PLPP1: variants seen among roughly 807,000 people sequenced by gnomAD.
PLPP1 encodes the protein phospholipid phosphatase 1.
PLPP1 carries 24 observed loss-of-function variants against 31.2 expected under a neutral mutation model. The observed-to-expected ratio is 0.77, with a 90% CI of 0.56 to 1.08. The LOEUF (loss-of-function observed/expected upper bound fraction) is 1.08, where lower values mean the gene tolerates loss of function less well. PLPP1 is among the 50% of genes least tolerant of loss of function. The probability of loss-of-function intolerance (pLI) is 0.00; values close to 1 mark genes in which losing one functional copy is unlikely to be tolerated. For missense variants in PLPP1, 319 were observed against 342.7 expected (o/e 0.93, Z 0.55); for synonymous variants, 146 against 126.3 (o/e 1.16, Z -1.05).
chr5:55,509,956 C>G (rs968202029), intron 1 of PLPP1, among the ~76,000 whole-genome samples: 1 of 152,144 alleles, frequency 6.6e-6, no homozygotes, highest in African/African-American at 2.4e-5. Context: ...AAACCGGCCA[C>G]GTGATTTTTA....
chr5:55,442,666 T>TAAA (rs1239344113), intron 3 of PLPP1, among the ~76,000 whole-genome samples: 1 of 81,088 alleles, frequency 1.2e-5, no homozygotes. Flanking sequence ...AAAAAAAAAT[T>TAAA]TGGTGTTTTA....
rs147816175 is a variant in PLPP1 at position 55,444,370 on chromosome 5, C to G, written c.492-2462G>C. 2.2e-4 allele frequency among the ~76,000 whole-genome samples: 33 copies of G among 152,244 alleles called. No individual in the cohort carries two copies. In the East Asian group the frequency reaches 6.0e-3, roughly 28 times the overall value. The stretch of plus-strand genomic sequence containing the variant: ...TGCTAGGATTACAAGCGTGAGCCAC[C>G]GCGCCCGGCCCCAAATGCAGTTTGT... On this transcript the variant is annotated intron_variant, in intron 3 of 5. Coordinates refer to ENST00000307259, the MANE Select transcript of PLPP1 (RefSeq NM_003711.4).
chr5:55,455,804 T>C (rs1415799079), intron 3 of PLPP1, among the ~76,000 whole-genome samples: 1 of 152,196 alleles, frequency 6.6e-6, no homozygotes, highest in Non-Finnish European at 1.5e-5. Flanking sequence ...ATCTGAAACT[T>C]GTTAGAAGAA....
intron 1 of PLPP1, among the ~76,000 whole-genome samples, chr5:55,531,820 G>C (rs1740681000): frequency 6.6e-6 from 1 of 152,188 alleles, no homozygotes; most frequent in Non-Finnish European, 1.5e-5. Flanking sequence ...CTCCTTCACT[G>C]CTGTTTGCAA....
At chr5:55,500,675 C>T (rs1318683926) in intron 1 of PLPP1, among the ~76,000 whole-genome samples, 2 of 151,966 alleles carry the variant, frequency 1.3e-5, no homozygotes, top group Non-Finnish European at 2.9e-5. Flanking sequence ...TGTACTCTAA[C>T]TGAGGGGGCT....
chr5:55,526,488 C>G (rs1740436389), intron 1 of PLPP1, among the ~76,000 whole-genome samples: 1 of 152,066 alleles, frequency 6.6e-6, no homozygotes, highest in South Asian at 2.1e-4. Flanking sequence ...CTAGACTGAC[C>G]CAAGAATATG....
In PLPP1 at chr5:55,522,821, C is replaced by T. The variant is rs1368874124; in HGVS notation, c.58+11751G>A. On this transcript the variant is annotated intron_variant, in intron 1 of 5. Coordinates refer to ENST00000307259, the MANE Select transcript of PLPP1 (RefSeq NM_003711.4). Reference sequence around the variant, plus strand: ...GCAAGCTCCACCTCCTGGGTTCACGCCATTCTCCTGCCTCAGCCTCCTGAG... The same window carrying T: ...GCAAGCTCCACCTCCTGGGTTCACGTCATTCTCCTGCCTCAGCCTCCTGAG... 1.3e-5 allele frequency among the ~76,000 whole-genome samples: 2 copies of T among 152,152 alleles called. 1 individual carries two copies. The highest frequency in any genetic ancestry group is 4.1e-4 in the South Asian group (2 of 4,826).
chr5:55,495,846 GTT>G (rs1752993490), intron 1 of PLPP1, among the ~76,000 whole-genome samples: 1 of 151,748 alleles, frequency 6.6e-6, no homozygotes, highest in Non-Finnish European at 1.5e-5. Context: ...TTTTTGTTTT[GTT>G]TTGTTTTGTT....
intron 4 of PLPP1, among the ~76,000 whole-genome samples, chr5:55,427,084 CATT>C (rs1344576127): frequency 7.0e-4 from 18 of 25,566 alleles, no homozygotes; most frequent in African/African-American, 1.4e-3. Context: ...AGTCTGCTCT[CATT>C]AAAAAAAAAA....
intron 3 of PLPP1, among the ~76,000 whole-genome samples, chr5:55,462,115 A>C (rs1390716900): frequency 6.6e-6 from 1 of 152,252 alleles, no homozygotes; most frequent in Non-Finnish European, 1.5e-5. Flanking sequence ...GCAATTCTTC[A>C]AAAATTGATC....
intron 1 of PLPP1, among the ~76,000 whole-genome samples, chr5:55,492,685 G>A (rs1752920250): frequency 6.6e-6 from 1 of 152,218 alleles, no homozygotes; most frequent in African/African-American, 2.4e-5. Flanking sequence ...CACGCATTTT[G>A]TAGCCAACAT....
At chr5:55,441,674 G>A (rs770956586) in intron 4 of PLPP1, among the ~76,000 whole-genome samples, 177 bp downstream of exon 4, 1 of 152,184 alleles carries the variant, frequency 6.6e-6, no homozygotes, top group Non-Finnish European at 1.5e-5. Flanking sequence ...TTCAGGAAAC[G>A]TCCCAAAGTA....
At chr5:55,514,401 A>T (rs937595521) in intron 1 of PLPP1, among the ~76,000 whole-genome samples, 1 of 152,144 alleles carries the variant, frequency 6.6e-6, no homozygotes, top group African/African-American at 2.4e-5. Context: ...AAAAAAAAAA[A>T]AAATTAAACA....
intron 1 of PLPP1, among the ~76,000 whole-genome samples, chr5:55,504,713 C>T (rs904860000): frequency 6.6e-6 from 1 of 151,728 alleles, no homozygotes; most frequent in Non-Finnish European, 1.5e-5. Context: ...TATATAGAAG[C>T]CCATAGACTA....
chr5:55,503,133 C>G (rs1579969985), intron 1 of PLPP1, among the ~76,000 whole-genome samples: 1 of 152,360 alleles, frequency 6.6e-6, no homozygotes, highest in Non-Finnish European at 1.5e-5. Context: ...CAGCTACCAA[C>G]TGCTTCCTCT....
At chr5:55,468,372 T>C in intron 2 of PLPP1, 1 of 420,896 alleles carries the variant, frequency 2.4e-6, no homozygotes, top group Non-Finnish European at 4.2e-6. Context: ...TACAAAGCCA[T>C]GGCTGGGACA....
At chr5:55,500,720 A>T (rs1041018115) in intron 1 of PLPP1, among the ~76,000 whole-genome samples, 4 of 152,192 alleles carry the variant, frequency 2.6e-5, no homozygotes, top group Non-Finnish European at 4.4e-5. Flanking sequence ...AAGCAGTGTG[A>T]AGACAGAATA....
Position 55,467,988 on chromosome 5 carries a change from G to A in PLPP1, c.372C>T (p.Gly124=). The A allele has an allele frequency of 6.2e-7, 1 of 1,614,188 alleles. No homozygotes were observed. Among genetic ancestry groups the A allele is most frequent in the Non-Finnish European group, 8.5e-7 (1 of 1,180,026 alleles). The change falls in exon 3 of 6, where the codon GGC becomes GGT. Residue 124 remains glycine, a synonymous_variant. Transcript: ENST00000307259. The part of the protein sequence containing the change: ...SLTDIAKYSI[G]RLRPHFLDVC... ...CATCCAAGAAGTGAGGCCGCAGTCT[G>A]CCTATTGAATACTTGGCAATGTCAG...
At chr5:55,504,710 A>G (rs1753233826) in intron 1 of PLPP1, among the ~76,000 whole-genome samples, 1 of 152,074 alleles carries the variant, frequency 6.6e-6, no homozygotes, top group Non-Finnish European at 1.5e-5. Context: ...TAGTATATAG[A>G]AGCCCATAGA....
Sources: allele counts gnomAD v4.1 joint callset (sites outside exome capture counted in the v4.1 genomes callset), GRCh38; gene constraint gnomAD v4.1.1; transcripts MANE v1.5; gene names NCBI Gene and HGNC (gene_info 2026-07-23, HGNC 2026-07-21).